Variants in MAPKAP1 observed in about 807,000 individuals in gnomAD.
The protein encoded by MAPKAP1 is MAPK associated protein 1.
In MAPKAP1, 20 loss-of-function variants were observed where a neutral mutation model predicts 65.7. The observed-to-expected ratio is 0.30, with a 90% CI of 0.21 to 0.44. The LOEUF (loss-of-function observed/expected upper bound fraction) is 0.44. Ranked by LOEUF, MAPKAP1 falls within the 20% of genes least tolerant of loss-of-function variation. The probability of loss-of-function intolerance (pLI) is 1.00; values close to 1 mark genes in which losing one functional copy is unlikely to be tolerated. For synonymous variants in MAPKAP1, 222 were observed against 244.3 expected (o/e 0.91, Z 0.85); for missense variants, 423 against 648.0 (o/e 0.65, Z 3.77).
intron 9 of MAPKAP1, among the ~76,000 whole-genome samples, chr9:125,474,413 C>T (rs1242718299): frequency 1.3e-5 from 2 of 152,180 alleles, no homozygotes; most frequent in Non-Finnish European, 2.9e-5. Context: ...GGTCTCCAGG[C>T]CACAAATTTG....
At chr9:125,576,933 G>T (rs1255016176) in intron 5 of MAPKAP1, among the ~76,000 whole-genome samples, 2 of 151,804 alleles carry the variant, frequency 1.3e-5, no homozygotes, top group African/African-American at 4.9e-5. Context: ...CCTCTGCCGG[G>T]CCGCCACCCC....
chr9:125,516,972 C>T (rs1000715258), intron 7 of MAPKAP1, among the ~76,000 whole-genome samples: 12 of 152,176 alleles, frequency 7.9e-5, no homozygotes, highest in African/African-American at 1.9e-4. Flanking sequence ...CCCTTAACAA[C>T]GTGCTTTCCA....
In MAPKAP1 at chr9:125,439,113, G is replaced by A. The variant is rs756013020; in HGVS notation, c.1444-101C>T. On this transcript the variant is annotated intron_variant, in intron 11 of 11. Coordinates refer to ENST00000265960, the MANE Select transcript of MAPKAP1 (RefSeq NM_001006617.3). The surrounding 1 kb of genome is among the most constrained non-coding windows in gnomAD (Gnocchi z 4.0). ...GGGAAGGCCCTGACCTGGGCCGGGT[G>A]CCTCAGGGCCAGGTGCTGTCGTGTG... The A allele has an allele frequency of 5.0e-6, 7 of 1,396,784 alleles. No individual in the cohort carries two copies. The South Asian group carries it at 5.3e-5, about 11-fold the overall frequency. The allele number at this position is 1,396,784 out of a possible 1,614,324, so 86.5% of individuals were successfully genotyped here. A position where few individuals can be genotyped will look rare whatever the true frequency, so the allele number is the denominator to read the frequency against.
chr9:125,563,676 C>G (rs494760), intron 5 of MAPKAP1, among the ~76,000 whole-genome samples: 126,367 of 151,740 alleles, frequency 0.83, 54,565 homozygotes, highest in Non-Finnish European at 0.96. Context: ...TGTGTAGACT[C>G]AATCACTCTA....
chr9:125,696,665 T>C (rs968457548), intron 1 of MAPKAP1, among the ~76,000 whole-genome samples: 6 of 152,102 alleles, frequency 3.9e-5, no homozygotes, highest in East Asian at 1.9e-4. Flanking sequence ...AACAAACTTA[T>C]GTAACTGAGG....
intron 5 of MAPKAP1, among the ~76,000 whole-genome samples, chr9:125,561,099 CTTAAA>C (rs1390641217): frequency 4.6e-5 from 7 of 152,162 alleles, no homozygotes; most frequent in South Asian, 4.2e-4. Flanking sequence ...ATGATTGATG[CTTAAA>C]TTAATTAATT....
At chr9:125,652,131 C>A in intron 4 of MAPKAP1, 2 of 1,303,364 alleles carry the variant, frequency 1.5e-6, no homozygotes, top group Non-Finnish European at 2.0e-6. Context: ...TCTGAGTTTG[C>A]AACATTTCTC....
chr9:125,622,317 C>T (rs1832928599), intron 4 of MAPKAP1, among the ~76,000 whole-genome samples: 1 of 152,166 alleles, frequency 6.6e-6, no homozygotes. Context: ...TATGAATGTT[C>T]AGGACACAGA....
intron 7 of MAPKAP1, among the ~76,000 whole-genome samples, chr9:125,516,737 G>C (rs1469940699): frequency 6.6e-6 from 1 of 152,240 alleles, no homozygotes; most frequent in Non-Finnish European, 1.5e-5. Flanking sequence ...TCTTTTACAA[G>C]TTATGCGACT....
intron 2 of MAPKAP1, among the ~76,000 whole-genome samples, chr9:125,670,973 G>A (rs143090486): frequency 2.2e-4 from 33 of 150,966 alleles, no homozygotes; most frequent in Admixed American, 3.3e-4. Context: ...AAACTATGCT[G>A]GGAAGAGCAT....
chr9:125,476,229 A>G (rs1854103107), intron 9 of MAPKAP1, among the ~76,000 whole-genome samples: 1 of 152,242 alleles, frequency 6.6e-6, no homozygotes, highest in African/African-American at 2.4e-5. Context: ...TTCTGGAGGC[A>G]GTCTTGATAG....
chr9:125,539,821 T>C (rs919991372), intron 7 of MAPKAP1, among the ~76,000 whole-genome samples: 12 of 152,146 alleles, frequency 7.9e-5, no homozygotes, highest in African/African-American at 2.9e-4. Flanking sequence ...TTCCTGCCAA[T>C]GCAGGTACAT....
intron 7 of MAPKAP1, among the ~76,000 whole-genome samples, chr9:125,534,740 G>A (rs905651112): frequency 2.6e-5 from 4 of 151,492 alleles, no homozygotes; most frequent in African/African-American, 9.7e-5. Flanking sequence ...GCTTACATAC[G>A]GACATGACCT....
At chr9:125,531,596 C>T (rs570773756) in intron 7 of MAPKAP1, among the ~76,000 whole-genome samples, 3 of 152,122 alleles carry the variant, frequency 2.0e-5, no homozygotes, top group Non-Finnish European at 2.9e-5. Context: ...CATGTTTGTA[C>T]ATTCAGAAAT....
intron 6 of MAPKAP1, among the ~76,000 whole-genome samples, chr9:125,556,050 G>C (rs571427967): frequency 4.6e-5 from 7 of 152,300 alleles, no homozygotes; most frequent in African/African-American, 1.7e-4. Flanking sequence ...GCTCTCCAAG[G>C]GTTGTTTATT....
In MAPKAP1 at chr9:125,581,597, T is replaced by C. The variant is rs183161413; in HGVS notation, c.671+3958A>G. On this transcript the variant is annotated intron_variant, in intron 5 of 11. Transcript: ENST00000265960. ...TATTCTATATGTCTTTAGTCAGATATGTGGTTTACAAATATTTCCTTTCAG... is the reference window on the plus strand; with the variant it reads ...TATTCTATATGTCTTTAGTCAGATACGTGGTTTACAAATATTTCCTTTCAG... Among the ~76,000 whole-genome samples, 731 of 152,342 alleles carry C rather than the reference T, an allele frequency of 4.8e-3. 5 individuals are homozygous for C. Among genetic ancestry groups the C allele is most frequent in the Non-Finnish European group, 5.3e-3 (360 of 68,020 alleles).
intron 3 of MAPKAP1, among the ~76,000 whole-genome samples, chr9:125,663,259 A>T (rs1383663907): frequency 3.3e-5 from 5 of 152,190 alleles, no homozygotes; most frequent in Non-Finnish European, 7.3e-5. Flanking sequence ...CTGCCTTGTT[A>T]TTCTATTTTT....
Position 125,536,306 on chromosome 9 carries a change from T to G in MAPKAP1, c.958+6753A>C, listed in dbSNP as rs534761616. On this transcript the variant is annotated intron_variant, in intron 7 of 11. Transcript: ENST00000265960. ...GCTCAGGTGAGATGGAACAGTAAGA[T>G]AAAGAGGCAGAGAAAGGAGGCAGGC... Among the ~76,000 whole-genome samples, 94 of 152,260 alleles carry G rather than the reference T, an allele frequency of 6.2e-4. 1 individual carries two copies. The highest frequency in any genetic ancestry group is 2.1e-3 in the African/African-American group (89 of 41,526).
At chr9:125,471,059 C>A (rs1853899330) in intron 9 of MAPKAP1, 1 of 152,118 alleles carries the variant, frequency 6.6e-6, no homozygotes, top group South Asian at 2.1e-4. Context: ...GGGAAAAATC[C>A]TTTTGTACAT....
Sources: gnomAD v4.1 joint callset for allele counts (sites outside exome capture counted in the v4.1 genomes callset) on GRCh38, gnomAD v4.1.1 for gene constraint, Gnocchi (gnomAD v3.1) non-coding constraint, MANE v1.5 for transcripts, NCBI Gene and HGNC (gene_info 2026-07-23, HGNC 2026-07-21) for gene names.